JAM3: variants seen among roughly 807,000 people sequenced by gnomAD.
JAM3 encodes junctional adhesion molecule C.
JAM3 carries 31 observed loss-of-function variants against 39.4 expected under a neutral mutation model. That is an observed-to-expected ratio of 0.79 (90% CI 0.59 to 1.06). The LOEUF (loss-of-function observed/expected upper bound fraction) is 1.06, where lower values mean the gene tolerates loss of function less well. JAM3 is among the 50% of genes least tolerant of loss of function. The pLI is 0.00. For synonymous variants in JAM3, 182 were observed against 148.7 expected (o/e 1.22, Z -1.63); for missense variants, 455 against 391.4 (o/e 1.16, Z -1.37).
intron 3 of JAM3, among the ~76,000 whole-genome samples, 194 bp downstream of exon 3, chr11:134,140,964 C>T (rs1942964416): frequency 1.3e-5 from 2 of 151,944 alleles, no homozygotes; most frequent in Non-Finnish European, 2.9e-5. Context: ...TATCAAGCCT[C>T]CCTGTCCCTG....
chr11:134,141,859 ATGAGTCGG>A lies in JAM3; in HGVS notation c.256+1090_256+1097del, dbSNP rs1942979021. Among the ~76,000 whole-genome samples the A allele has an allele frequency of 8.6e-5, 13 of 152,030 alleles. 1 individual carries two copies. The South Asian group carries it at 2.7e-3, about 32-fold the overall frequency. On this transcript the variant is annotated intron_variant, in intron 3 of 8. Transcript: ENST00000299106. ...AGGAGGTACACATGCAGGCTCGTGCATGAGTCGGAGCCTGTGGAGTTCTCAGAGAAGTT... is the reference window on the plus strand; with the variant it reads ...AGGAGGTACACATGCAGGCTCGTGCAAGCCTGTGGAGTTCTCAGAGAAGTT...
chr11:134,105,634 A>G (rs112329936), intron 1 of JAM3, among the ~76,000 whole-genome samples: 7,194 of 152,242 alleles, frequency 0.047, 636 homozygotes, highest in African/African-American at 0.16. Flanking sequence ...TCCTTAAGCT[A>G]ATAAGCAACT....
chr11:134,089,320 T>G (rs922922801), intron 1 of JAM3, among the ~76,000 whole-genome samples: 13 of 152,194 alleles, frequency 8.5e-5, no homozygotes, highest in Non-Finnish European at 1.6e-4. Flanking sequence ...TTTTTCTTTT[T>G]TTTATTATAC....
In JAM3 at chr11:134,133,239, CAG is replaced by C. The variant is rs1469182498; in HGVS notation, c.77-6608_77-6607del. ...CATCTAAGATCATGCCAGCTACAAA[CAG>C]AGATAATTTTCCTACTTCCTTTCCA... On this transcript the variant is annotated intron_variant, in intron 1 of 8. Transcript: ENST00000299106. 5.3e-5 allele frequency among the ~76,000 whole-genome samples: 8 copies of C among 152,272 alleles called. No homozygotes were observed. In the South Asian group the frequency reaches 8.3e-4, roughly 16 times the overall value.
chr11:134,093,028 G>A (rs972460604), intron 1 of JAM3, among the ~76,000 whole-genome samples: 11 of 141,304 alleles, frequency 7.8e-5, no homozygotes, highest in East Asian at 2.4e-4. Context: ...CCTGAGGGAA[G>A]CTTCTCCTGA....
chr11:134,127,775 C>T (rs900684155), intron 1 of JAM3, among the ~76,000 whole-genome samples: 4 of 152,148 alleles, frequency 2.6e-5, no homozygotes, highest in Non-Finnish European at 1.5e-5. Flanking sequence ...GTAGGCACAA[C>T]AGAGAATGGA....
chr11:134,113,213 T>TA (rs11373825), intron 1 of JAM3, among the ~76,000 whole-genome samples: 6 of 151,858 alleles, frequency 4.0e-5, no homozygotes, highest in African/African-American at 1.2e-4. Flanking sequence ...TTTTTTTTTT[T>TA]AATACTTTAA....
rs1565503978 is a variant in JAM3 at position 134,140,744 on chromosome 11, ATG to A, written c.234_235del (p.Phe80Ter). 2 of 1,613,504 alleles carry A rather than the reference ATG, an allele frequency of 1.2e-6. No individual in the cohort carries two copies. The highest frequency in any genetic ancestry group is 1.7e-5 in the Admixed American group (1 of 60,000). ...AAAATTCAAGATGAACAAACCACATATGTGTTTTTTGACAACAAAATTCAGGG... is the reference window on the plus strand; with the variant it reads ...AAAATTCAAGATGAACAAACCACATATGTTTTTTGACAACAAAATTCAGGG... On this transcript the variant is annotated frameshift_variant, in exon 3 of 9. Coordinates refer to ENST00000299106, the MANE Select transcript of JAM3 (RefSeq NM_032801.5). LOFTEE classifies it high-confidence loss of function.
intron 1 of JAM3, among the ~76,000 whole-genome samples, chr11:134,069,698 C>A (rs1271526134): frequency 6.6e-6 from 1 of 152,160 alleles, no homozygotes; most frequent in African/African-American, 2.4e-5. Flanking sequence ...TGCTGGAAGA[C>A]CCTGCGCAGC....
At chr11:134,115,462 G>A (rs1942410174) in intron 1 of JAM3, among the ~76,000 whole-genome samples, 1 of 152,124 alleles carries the variant, frequency 6.6e-6, no homozygotes, top group East Asian at 1.9e-4. Flanking sequence ...TTTCTATTGG[G>A]TAACTTTGTT....
intron 1 of JAM3, among the ~76,000 whole-genome samples, chr11:134,134,943 T>C (rs114583496): frequency 0.025 from 3,827 of 152,268 alleles, 165 homozygotes; most frequent in African/African-American, 0.087. Flanking sequence ...TTTCTCCCAT[T>C]CTGTATGTTG....
At chr11:134,071,236 CTAA>C (rs1941480242) in intron 1 of JAM3, among the ~76,000 whole-genome samples, 1 of 152,162 alleles carries the variant, frequency 6.6e-6, no homozygotes, top group South Asian at 2.1e-4. Context: ...CTTGATAACT[CTAA>C]GAAGTCGTTA....
chr11:134,108,538 G>T (rs1036669840), intron 1 of JAM3, among the ~76,000 whole-genome samples: 4 of 152,120 alleles, frequency 2.6e-5, no homozygotes, highest in African/African-American at 9.7e-5. Flanking sequence ...CAAAATCTTA[G>T]CAAGTCAATC....
intron 1 of JAM3, among the ~76,000 whole-genome samples, chr11:134,084,005 G>C (rs1941707990): frequency 6.6e-6 from 1 of 152,036 alleles, no homozygotes; most frequent in Non-Finnish European, 1.5e-5. Context: ...AAAGCTTATG[G>C]CTACATAATA....
At chr11:134,113,004 C>T (rs576613018) in intron 1 of JAM3, among the ~76,000 whole-genome samples, 13 of 152,272 alleles carry the variant, frequency 8.5e-5, no homozygotes, top group African/African-American at 3.1e-4. Context: ...CAACAGAGCA[C>T]TCCAGTCCAG....
intron 1 of JAM3, among the ~76,000 whole-genome samples, chr11:134,081,220 A>C (rs1192879042): frequency 2.0e-5 from 3 of 152,230 alleles, no homozygotes; most frequent in African/African-American, 7.2e-5. Context: ...ATTAAAGAAA[A>C]TCTTGTTTTC....
At chr11:134,082,898 T>C (rs1941690347) in intron 1 of JAM3, among the ~76,000 whole-genome samples, 1 of 152,198 alleles carries the variant, frequency 6.6e-6, no homozygotes, top group South Asian at 2.1e-4. Context: ...TCTGCTGAAA[T>C]AGATGCTAAC....
At chr11:134,101,423 AGATGAGAACTG>A (rs1942071281) in intron 1 of JAM3, among the ~76,000 whole-genome samples, 1 of 152,214 alleles carries the variant, frequency 6.6e-6, no homozygotes, top group South Asian at 2.1e-4. Flanking sequence ...CAAAGAAGTG[AGATGAGAACTG>A]AGGTGGAGTG....
rs557436520 is a variant in JAM3 at position 134,103,268 on chromosome 11, C to T, written c.76+34109C>T. On this transcript the variant is annotated intron_variant, in intron 1 of 8. Coordinates refer to ENST00000299106, the MANE Select transcript of JAM3 (RefSeq NM_032801.5). ...TTTCATATCCAGCCAAACTAAGCTTCATAAGTGAAGGAGAAATAAAATCCT... is the reference window on the plus strand; with the variant it reads ...TTTCATATCCAGCCAAACTAAGCTTTATAAGTGAAGGAGAAATAAAATCCT... 7.9e-5 allele frequency among the ~76,000 whole-genome samples: 12 copies of T among 152,214 alleles called. 1 individual carries two copies. The South Asian group carries it at 2.5e-3, about 32-fold the overall frequency.
Sources: gnomAD v4.1 joint callset for allele counts (sites outside exome capture counted in the v4.1 genomes callset) on GRCh38, gnomAD v4.1.1 for gene constraint, MANE v1.5 for transcripts, NCBI Gene and HGNC (gene_info 2026-07-23, HGNC 2026-07-21) for gene names.